PPP2R5C: variants seen among roughly 807,000 people sequenced by gnomAD.
The protein encoded by PPP2R5C is protein phosphatase 2 regulatory subunit B'gamma.
A neutral mutation model predicts 68.9 loss-of-function variants in PPP2R5C; 7 were observed. The ratio of observed to expected loss-of-function variants is 0.10; its 90% CI spans 0.06 to 0.19. The LOEUF (loss-of-function observed/expected upper bound fraction) is 0.19, where lower values mean the gene tolerates loss of function less well. Among genes scored for constraint, PPP2R5C ranks in the 10% least tolerant of loss-of-function variants. The pLI, the probability that PPP2R5C is intolerant of heterozygous loss-of-function variation, is 1.00. For synonymous variants in PPP2R5C, 210 were observed against 222.2 expected (o/e 0.95, Z 0.49); for missense variants, 348 against 641.3 (o/e 0.54, Z 4.94).
At position 101,835,396 on chromosome 14, in the gene PPP2R5C, T is replaced by TCTA. The variant is rs2140367737; in HGVS notation, c.95-21289_95-21288insTAC. ...CAGTCAGCTGAGTGCTCAAGAGAAC[T>TCTA]CAGTAGAGGGGAATGTTGATGATTC... On this transcript the variant is annotated intron_variant, in intron 1 of 13. Coordinates refer to ENST00000334743, the Ensembl canonical transcript of PPP2R5C. This position sits in a 1 kb window ranked among gnomAD's most constrained non-coding sequence, Gnocchi z 5.0. Among the ~76,000 whole-genome samples, 2 of 152,248 alleles carry TCTA rather than the reference T, an allele frequency of 1.3e-5. No individual in the cohort carries two copies. The highest frequency in any genetic ancestry group is 4.1e-4 in the South Asian group (2 of 4,822).
intron 2 of PPP2R5C, chr14:101,765,765 T>C (rs1248593067): frequency 2.0e-5 from 3 of 149,922 alleles, no homozygotes; most frequent in Non-Finnish European, 4.4e-5. Flanking sequence ...TTTTGTATTT[T>C]TAGTAGAGAC....
intron 1 of PPP2R5C, chr14:101,823,596 T>C (rs1426718722): frequency 3.7e-6 from 1 of 268,130 alleles, no homozygotes; most frequent in East Asian, 1.7e-4. Context: ...CGTCGCCCTC[T>C]TTCCTGTGAG....
At chr14:101,894,481 A>G in intron 7 of PPP2R5C, 26 bp from the exon 10 acceptor site, 1 of 1,608,290 alleles carries the variant, frequency 6.2e-7, no homozygotes, top group Non-Finnish European at 8.5e-7. Flanking sequence ...TGAAATGTTA[A>G]TGCTCTTTCT....
intron 12 of PPP2R5C, chr14:101,914,230 C>T: frequency 2.2e-6 from 1 of 455,704 alleles, no homozygotes; most frequent in Non-Finnish European, 4.4e-6. Flanking sequence ...GGAGCTTAGC[C>T]CTGCCTTGTC....
intron 12 of PPP2R5C, 183 bp downstream of exon 14, chr14:101,912,656 C>G: frequency 7.2e-6 from 9 of 1,245,558 alleles, no homozygotes; most frequent in Non-Finnish European, 9.2e-6. Context: ...TTATTTTGCC[C>G]CATATCGTTT....
At chr14:101,823,894 T>C in intron 1 of PPP2R5C, 1 of 1,269,966 alleles carries the variant, frequency 7.9e-7, no homozygotes, top group Middle Eastern at 2.7e-4. Context: ...TAGTTGATCT[T>C]ATGGTGTCAT....
At chr14:101,760,902 G>T, upstream of PPP2R5C, among the ~76,000 whole-genome samples, 1 of 102,354 alleles carries the variant, frequency 9.8e-6, no homozygotes, top group South Asian at 4.0e-4. Flanking sequence ...GTTGGTCGAG[G>T]GGAAGGGCTG....
At chr14:101,822,299 C>T (rs141764513) in intron 1 of PPP2R5C, among the ~76,000 whole-genome samples, 31 of 152,222 alleles carry the variant, frequency 2.0e-4, no homozygotes, top group South Asian at 4.1e-4. Context: ...CTGTGATTGG[C>T]GTTCCGATCT....
intron 9 of PPP2R5C, among the ~76,000 whole-genome samples, chr14:101,904,670 C>T (rs1421691965): frequency 3.3e-5 from 5 of 152,312 alleles, no homozygotes; most frequent in African/African-American, 1.2e-4. Context: ...GCTCACCTGC[C>T]ATTCTCTCAG....
intron 3 of PPP2R5C, among the ~76,000 whole-genome samples, chr14:101,794,804 T>C (rs1019619522): frequency 1.3e-5 from 2 of 152,240 alleles, no homozygotes; most frequent in African/African-American, 4.8e-5. Context: ...ATGAAGGCTA[T>C]TGAATTTGGG....
At chr14:101,925,908 A>G (rs988186505) in exon 14 of PPP2R5C, 3 of 152,642 alleles carry the variant, frequency 2.0e-5, no homozygotes, top group South Asian at 2.1e-4. Context: ...ACCTAAAGCC[A>G]TATTTCCAAG....
intron 13 of PPP2R5C, among the ~76,000 whole-genome samples, chr14:101,922,656 GAAA>G (rs60017998): frequency 1.6e-5 from 2 of 128,860 alleles, no homozygotes; most frequent in African/African-American, 5.4e-5. Flanking sequence ...TCTAGAAAAA[GAAA>G]AAAAAAAAAA....
At chr14:101,841,664 T>C (rs925466994) in intron 1 of PPP2R5C, among the ~76,000 whole-genome samples, 1 of 152,186 alleles carries the variant, frequency 6.6e-6, no homozygotes, top group Non-Finnish European at 1.5e-5. Context: ...AAACGAAACC[T>C]TCCAGTCGCA....
chr14:101,772,469 T>C (rs2037199486), intron 2 of PPP2R5C, among the ~76,000 whole-genome samples: 1 of 152,038 alleles, frequency 6.6e-6, no homozygotes, highest in Non-Finnish European at 1.5e-5. Flanking sequence ...TTATTTTGGG[T>C]TCAAAACACA....
chr14:101,833,145 C>G (rs2040856485), intron 1 of PPP2R5C, among the ~76,000 whole-genome samples: 1 of 152,218 alleles, frequency 6.6e-6, no homozygotes, highest in Admixed American at 6.5e-5. Context: ...TTGACTTGGT[C>G]AAAACTTTGT....
intron 2 of PPP2R5C, among the ~76,000 whole-genome samples, chr14:101,880,562 G>A (rs866619511): frequency 7.9e-5 from 12 of 152,212 alleles, no homozygotes; most frequent in South Asian, 6.2e-4. Context: ...TTGGGAGGCC[G>A]AGGCAGGAGG....
At chr14:101,838,771 T>C (rs2041273489) in intron 1 of PPP2R5C, among the ~76,000 whole-genome samples, 1 of 149,272 alleles carries the variant, frequency 6.7e-6, no homozygotes, top group Non-Finnish European at 1.5e-5. Flanking sequence ...TGGCTGGGCA[T>C]GGTGGCTCAT....
chr14:101,897,022 C>T (rs2045377085), intron 8 of PPP2R5C, among the ~76,000 whole-genome samples: 1 of 152,194 alleles, frequency 6.6e-6, no homozygotes. Context: ...TGTCCTATGA[C>T]TGCAGAGGTA....
At chr14:101,764,801 CTTTTTT>C (rs34973768) in intron 2 of PPP2R5C, among the ~76,000 whole-genome samples, 6 of 129,372 alleles carry the variant, frequency 4.6e-5, no homozygotes, top group African/African-American at 1.8e-4. Flanking sequence ...TGCTATATGC[CTTTTTT>C]TTTTTTTTTT....
Sources: gnomAD v4.1 joint callset for allele counts (sites outside exome capture counted in the v4.1 genomes callset) on GRCh38, gnomAD v4.1.1 for gene constraint, Gnocchi (gnomAD v3.1) non-coding constraint, MANE v1.5 for transcripts, NCBI Gene and HGNC (gene_info 2026-07-23, HGNC 2026-07-21) for gene names.